Variants in DYSF observed in about 807,000 individuals in gnomAD.
DYSF encodes the protein dysferlin.
A neutral mutation model predicts 274.9 loss-of-function variants in DYSF; 212 were observed. The ratio of observed to expected loss-of-function variants is 0.77; its 90% CI spans 0.69 to 0.86. The LOEUF (loss-of-function observed/expected upper bound fraction) is 0.86, where lower values mean the gene tolerates loss of function less well. Ranked by LOEUF, DYSF falls within the 40% of genes least tolerant of loss-of-function variation. The pLI is 0.00. For synonymous variants in DYSF, 1,091 were observed against 1,078.7 expected, an observed-to-expected ratio of 1.01 and a Z score of -0.22; for missense variants, 2,666 against 2,783.2, an observed-to-expected ratio of 0.96 and a Z score of 0.95.
At chr2:71,510,047 A>T (rs2085922471) in intron 4 of DYSF, among the ~76,000 whole-genome samples, 1 of 152,248 alleles carries the variant, frequency 6.6e-6, no homozygotes, top group Non-Finnish European at 1.5e-5. Flanking sequence ...CAAAGGGATT[A>T]CAGGCATGAA....
intron 34 of DYSF, 120 bp from the exon 35 acceptor site, chr2:71,601,379 A>G (rs2093546743): frequency 1.5e-6 from 2 of 1,351,666 alleles, no homozygotes; most frequent in African/African-American, 2.9e-5. Context: ...TCTACCCTCA[A>G]GGAATAGAGG....
intron 2 of DYSF, among the ~76,000 whole-genome samples, 175 bp from the exon 3 acceptor site, chr2:71,481,704 A>ATCCG (rs1413825572): frequency 8.0e-5 from 12 of 150,472 alleles, no homozygotes; most frequent in Non-Finnish European, 1.6e-4. Context: ...CTATCCATCC[A>ATCCG]TCCATCCATC....
intron 36 of DYSF, among the ~76,000 whole-genome samples, chr2:71,605,585 C>T (rs1280669228): frequency 6.6e-6 from 1 of 152,096 alleles, no homozygotes; most frequent in Non-Finnish European, 1.5e-5. Context: ...TGCTGCTCTC[C>T]TGCTGGGGCA....
intron 40 of DYSF, among the ~76,000 whole-genome samples, chr2:71,618,135 CGTGTGTGGT>C (rs1558637732): frequency 1.6e-4 from 3 of 18,404 alleles, no homozygotes; most frequent in Admixed American, 7.7e-4. Flanking sequence ...GTAGAGGTGG[CGTGTGTGGT>C]AGAGGTGGTG....
At chr2:71,479,216 C>T (rs1394510880) in intron 1 of DYSF, among the ~76,000 whole-genome samples, 1 of 114,020 alleles carries the variant, frequency 8.8e-6, no homozygotes, top group Non-Finnish European at 2.1e-5. Context: ...GTCTGTTGAG[C>T]GCCCCATCGT....
In DYSF at chr2:71,658,930, C is replaced by T. The variant is rs2094827462; in HGVS notation, c.4808C>T (p.Pro1603Leu). 1 of 1,614,214 alleles carries T rather than the reference C, an allele frequency of 6.2e-7. No homozygotes were observed. ...GAAGACCCAGCCATCCCCATGCCCC[C>T]AAGACAGTTCCACCAGCTGGCCGCC... ...LPEDPAIPMP[P>L]RQFHQLAAQG... The change falls in exon 44 of 56, where the codon CCA (proline) becomes CTA (leucine). Residue 1603 changes from proline (P) to leucine (L), a missense_variant. This residue lies in a region of DYSF where 1,460 missense variants were observed against 1,502.1 expected (regional missense o/e 0.97). Transcript: ENST00000410020.
At chr2:71,593,990 A>G (rs1004526800) in intron 32 of DYSF, among the ~76,000 whole-genome samples, 1 of 152,202 alleles carries the variant, frequency 6.6e-6, no homozygotes, top group African/African-American at 2.4e-5. Flanking sequence ...TCAAGAAAGT[A>G]GAAGGTCCTG....
chr2:71,555,127 G>T (rs979869852), intron 21 of DYSF, among the ~76,000 whole-genome samples: 6 of 152,136 alleles, frequency 3.9e-5, no homozygotes, highest in African/African-American at 1.4e-4. Context: ...CCTTCCCAGA[G>T]ACTGGCAGCT....
At chr2:71,505,598 G>C (rs759500238) in intron 4 of DYSF, among the ~76,000 whole-genome samples, 13 of 152,214 alleles carry the variant, frequency 8.5e-5, no homozygotes, top group Non-Finnish European at 1.9e-4. Context: ...ATAGCACGCT[G>C]GGCTGTGTGC....
At chr2:71,622,506 C>G (rs115111868) in intron 41 of DYSF, among the ~76,000 whole-genome samples, 7 of 152,198 alleles carry the variant, frequency 4.6e-5, no homozygotes, top group Admixed American at 3.9e-4. Context: ...TTTAGTCATT[C>G]ATTCTAATGA....
intron 41 of DYSF, among the ~76,000 whole-genome samples, chr2:71,628,340 A>G (rs2094248221): frequency 6.6e-6 from 1 of 152,066 alleles, no homozygotes. Flanking sequence ...TTTTAGTTTT[A>G]TCTTTTTTAC....
At chr2:71,606,234 G>A (rs762211714) in intron 36 of DYSF, among the ~76,000 whole-genome samples, 2 of 152,096 alleles carry the variant, frequency 1.3e-5, no homozygotes, top group Admixed American at 6.5e-5. Context: ...AGGGGAGAGA[G>A]CTTCACTTGT....
intron 42 of DYSF, among the ~76,000 whole-genome samples, chr2:71,646,177 G>T (rs1269107545): frequency 1.3e-5 from 2 of 152,244 alleles, no homozygotes; most frequent in Admixed American, 6.5e-5. Context: ...GGTGTGTGAG[G>T]TTGGGCAAAG....
chr2:71,565,238 A>G (rs949500292), intron 24 of DYSF, among the ~76,000 whole-genome samples: 1 of 123,608 alleles, frequency 8.1e-6, no homozygotes, highest in African/African-American at 3.1e-5. Flanking sequence ...TTGCCAACCC[A>G]CCCAGCTCTT....
At chr2:71,579,952 C>T (rs547891547) in intron 30 of DYSF, among the ~76,000 whole-genome samples, 1 of 152,324 alleles carries the variant, frequency 6.6e-6, no homozygotes, top group Non-Finnish European at 1.5e-5. Flanking sequence ...TGGGGATGTC[C>T]AGCAGCACAG....
At chr2:71,659,881 T>C (rs1396863032) in intron 44 of DYSF, among the ~76,000 whole-genome samples, 2 of 152,228 alleles carry the variant, frequency 1.3e-5, no homozygotes, top group African/African-American at 2.4e-5. Context: ...GGTCCCCTCT[T>C]GTCTCCTGAG....
chr2:71,684,916 C>T (rs768955442), intron 55 of DYSF, among the ~76,000 whole-genome samples: 2 of 152,202 alleles, frequency 1.3e-5, no homozygotes, highest in African/African-American at 2.4e-5. Flanking sequence ...TAGGGGAGCA[C>T]TGTCATCTTC....
intron 12 of DYSF, among the ~76,000 whole-genome samples, chr2:71,522,919 C>T (rs190592797): frequency 3.3e-5 from 5 of 152,240 alleles, no homozygotes; most frequent in South Asian, 4.1e-4. Context: ...CCTCAGTGTA[C>T]GCCTCTTCTT....
chr2:71,466,638 G>A (rs375575021), upstream of DYSF: 10 of 1,300,510 alleles, frequency 7.7e-6, no homozygotes, highest in African/African-American at 1.5e-4. Context: ...GGGGCCGGAG[G>A]GGGAGGGTCC....
Sources: gnomAD v4.1 joint callset for allele counts (sites outside exome capture counted in the v4.1 genomes callset) on GRCh38, gnomAD v4.1.1 for gene constraint, gnomAD v4.1.1 regional missense constraint, MANE v1.5 for transcripts, NCBI Gene and HGNC (gene_info 2026-07-23, HGNC 2026-07-21) for gene names.